The following KIF16B variants were observed in gnomAD, a reference collection of about 807,000 sequenced individuals.
The protein encoded by KIF16B is kinesin family member 16B, also known as kinesin-like protein KIF16B.
Under a neutral mutation model 156.3 loss-of-function variants are expected in KIF16B, and 98 were observed. That is an observed-to-expected ratio of 0.63 (90% CI 0.53 to 0.74). The LOEUF is 0.74. Ranked by LOEUF, KIF16B falls within the 30% of genes least tolerant of loss-of-function variation. The probability of loss-of-function intolerance (pLI) is 0.00; values close to 1 mark genes in which losing one functional copy is unlikely to be tolerated. For missense variants in KIF16B, 1,421 were observed against 1,606.5 expected, an observed-to-expected ratio of 0.88 and a Z score of 1.97; for synonymous variants, 564 against 583.7, an observed-to-expected ratio of 0.97 and a Z score of 0.49.
At chr20:16,534,237 A>G (rs540553210) in intron 1 of KIF16B, among the ~76,000 whole-genome samples, 57 of 151,506 alleles carry the variant, frequency 3.8e-4, no homozygotes, top group Admixed American at 7.3e-4. Context: ...CCTAGGTGAA[A>G]GAGCAAAGCT....
At chr20:16,465,799 G>C (rs1176902589) in intron 12 of KIF16B, among the ~76,000 whole-genome samples, 3 of 151,430 alleles carry the variant, frequency 2.0e-5, no homozygotes, top group Non-Finnish European at 4.4e-5. Context: ...GGAATTCTTA[G>C]TGAATAGACA....
intron 24 of KIF16B, among the ~76,000 whole-genome samples, chr20:16,320,168 C>T (rs1231011731): frequency 6.6e-6 from 1 of 152,084 alleles, no homozygotes; most frequent in Non-Finnish European, 1.5e-5. Flanking sequence ...AAGGGCACTA[C>T]AGGAAATTTT....
At chr20:16,480,840 C>T (rs747325936) in intron 12 of KIF16B, among the ~76,000 whole-genome samples, 4 of 152,172 alleles carry the variant, frequency 2.6e-5, no homozygotes, top group Non-Finnish European at 5.9e-5. Flanking sequence ...CAAATAACTG[C>T]ATTTAACAAA....
chr20:16,314,750 C>T (rs758052368), intron 24 of KIF16B, among the ~76,000 whole-genome samples: 51 of 152,298 alleles, frequency 3.3e-4, no homozygotes, highest in African/African-American at 9.6e-4. Flanking sequence ...GCAAGTGGCA[C>T]GCCCACATTC....
intron 12 of KIF16B, among the ~76,000 whole-genome samples, chr20:16,492,814 T>C (rs548893325): frequency 1.0e-3 from 154 of 152,276 alleles, no homozygotes; most frequent in Non-Finnish European, 1.8e-3. Flanking sequence ...GCTAACGGTT[T>C]GATTTCTTTT....
chr20:16,426,715 A>C (rs2146415139), intron 15 of KIF16B, among the ~76,000 whole-genome samples: 1 of 152,296 alleles, frequency 6.6e-6, no homozygotes, highest in African/African-American at 2.4e-5. Flanking sequence ...AATAGACATG[A>C]TACCAAATCC....
chr20:16,448,698 A>G (rs1262416606), intron 12 of KIF16B, among the ~76,000 whole-genome samples: 1 of 152,246 alleles, frequency 6.6e-6, no homozygotes, highest in Non-Finnish European at 1.5e-5. Context: ...GTAAGCAACA[A>G]TAGCCCACGA....
chr20:16,321,104 C>A (rs1433627757), intron 24 of KIF16B, among the ~76,000 whole-genome samples: 1 of 152,022 alleles, frequency 6.6e-6, no homozygotes, highest in Non-Finnish European at 1.5e-5. Flanking sequence ...ATTTTAATTT[C>A]TTTTTTGTCA....
intron 12 of KIF16B, among the ~76,000 whole-genome samples, chr20:16,486,117 G>A (rs1214933251): frequency 6.6e-6 from 1 of 152,096 alleles, no homozygotes; most frequent in Non-Finnish European, 1.5e-5. Context: ...GAGACTATGG[G>A]AGCTTTACAG....
chr20:16,318,827 A>G (rs995946119), intron 24 of KIF16B, among the ~76,000 whole-genome samples: 3 of 152,170 alleles, frequency 2.0e-5, no homozygotes, highest in Non-Finnish European at 2.9e-5. Flanking sequence ...CCCTCAAGAA[A>G]GTAGCCCATT....
In KIF16B at chr20:16,370,581, C is replaced by A. The variant is rs767387275; in HGVS notation, c.3498+5G>T. 1 of 1,573,818 alleles carries A rather than the reference C, an allele frequency of 6.4e-7. No homozygotes were observed. The highest frequency in any genetic ancestry group is 2.3e-5 in the East Asian group (1 of 42,686). On this transcript the variant is annotated splice_donor_5th_base_variant and intron_variant, in intron 22 of 25. Coordinates refer to ENST00000354981, the MANE Select transcript of KIF16B (RefSeq NM_024704.5). ...ACCCTATCAATCTGAAAAATCATTACCTACCTCATATTTTAGTTTACGTTG... is the reference window on the plus strand; with the variant it reads ...ACCCTATCAATCTGAAAAATCATTAACTACCTCATATTTTAGTTTACGTTG...
chr20:16,502,260 G>T (rs1314934004), intron 10 of KIF16B, among the ~76,000 whole-genome samples: 1 of 152,114 alleles, frequency 6.6e-6, no homozygotes, highest in Non-Finnish European at 1.5e-5. Context: ...ATGAACCACA[G>T]CAGTACCTGG....
chr20:16,439,044 A>G (rs1354806269), intron 12 of KIF16B, among the ~76,000 whole-genome samples: 4 of 152,204 alleles, frequency 2.6e-5, no homozygotes, highest in Admixed American at 2.6e-4. Context: ...ACTAAGCTCC[A>G]GGAAGGAGGA....
At chr20:16,429,730 T>C in intron 13 of KIF16B, 133 bp downstream of exon 13, 2 of 716,630 alleles carry the variant, frequency 2.8e-6, no homozygotes, top group African/African-American at 1.8e-5. Context: ...CCCAAAGGGC[T>C]CAAGGATTTG....
intron 17 of KIF16B, among the ~76,000 whole-genome samples, chr20:16,400,307 A>G (rs1477991491): frequency 2.0e-5 from 3 of 152,254 alleles, no homozygotes; most frequent in Non-Finnish European, 4.4e-5. Context: ...AAAGAATACA[A>G]TAAGATACTG....
intron 1 of KIF16B, among the ~76,000 whole-genome samples, chr20:16,555,681 AC>A (rs2070821389): frequency 6.6e-6 from 1 of 152,244 alleles, no homozygotes; most frequent in Non-Finnish European, 1.5e-5. Context: ...AAAATACATC[AC>A]CTTTATTCAG....
intron 1 of KIF16B, among the ~76,000 whole-genome samples, chr20:16,547,372 G>A (rs2147266908): frequency 6.6e-6 from 1 of 152,360 alleles, no homozygotes. Context: ...ATGGGTGACA[G>A]CAAATGGCTA....
intron 25 of KIF16B, among the ~76,000 whole-genome samples, chr20:16,305,895 C>T (rs1296885965): frequency 6.6e-6 from 1 of 152,172 alleles, no homozygotes; most frequent in Non-Finnish European, 1.5e-5. Context: ...ACCATATTTT[C>T]TTTATCCATT....
intron 17 of KIF16B, among the ~76,000 whole-genome samples, chr20:16,382,486 G>A (rs56402523): frequency 0.1 from 15,929 of 152,234 alleles, 1,016 homozygotes; most frequent in Non-Finnish European, 0.15. Context: ...AGTTCCTGCT[G>A]TAATTAATGG....
Sources: allele counts gnomAD v4.1 joint callset (sites outside exome capture counted in the v4.1 genomes callset), GRCh38; gene constraint gnomAD v4.1.1; transcripts MANE v1.5; gene names NCBI Gene and HGNC (gene_info 2026-07-23, HGNC 2026-07-21).